Variants in EBF1 observed in about 807,000 individuals in gnomAD.
EBF1 encodes the protein transcription factor COE1.
A neutral mutation model predicts 68.4 loss-of-function variants in EBF1; 10 were observed. The observed-to-expected ratio is 0.15, with a 90% CI of 0.09 to 0.25. The LOEUF (loss-of-function observed/expected upper bound fraction) is 0.25, where lower values mean the gene tolerates loss of function less well. EBF1 is among the 10% of genes least tolerant of loss of function. The pLI is 1.00. For synonymous variants in EBF1, 298 were observed against 299.8 expected, an observed-to-expected ratio of 0.99 and a Z score of 0.06; for missense variants, 509 against 794.4, an observed-to-expected ratio of 0.64 and a Z score of 4.32.
chr5:158,960,477 T>C (rs557541681), intron 6 of EBF1, among the ~76,000 whole-genome samples: 1 of 152,050 alleles, frequency 6.6e-6, no homozygotes, highest in Admixed American at 6.5e-5. Context: ...ACTCTAAAAC[T>C]GGAAATGATT....
chr5:158,749,131 C>CT (rs1768209822), intron 10 of EBF1, among the ~76,000 whole-genome samples: 1 of 152,166 alleles, frequency 6.6e-6, no homozygotes, highest in Non-Finnish European at 1.5e-5. Context: ...GCACATACCT[C>CT]TTCCCGAGTA....
intron 14 of EBF1, among the ~76,000 whole-genome samples, chr5:158,708,908 A>G (rs1758514442): frequency 6.6e-6 from 1 of 152,218 alleles, no homozygotes; most frequent in Non-Finnish European, 1.5e-5. Context: ...GCCTTACATA[A>G]ATACTCACAG....
intron 10 of EBF1, among the ~76,000 whole-genome samples, chr5:158,758,043 G>A (rs1770524753): frequency 6.6e-6 from 1 of 152,130 alleles, no homozygotes; most frequent in South Asian, 2.1e-4. Flanking sequence ...TTCTTCATGT[G>A]CACCTTTTAT....
At chr5:158,984,200 C>T (rs146226597) in intron 6 of EBF1, among the ~76,000 whole-genome samples, 9 of 152,064 alleles carry the variant, frequency 5.9e-5, no homozygotes, top group South Asian at 2.1e-4. Flanking sequence ...CTGCTAACAA[C>T]GATATATCAA....
chr5:158,754,274 C>G (rs72810383), intron 10 of EBF1, among the ~76,000 whole-genome samples: 22,052 of 152,032 alleles, frequency 0.15, 1,720 homozygotes, highest in Admixed American at 0.17. Context: ...CTTTTCCCAC[C>G]CAAAAGCCAA....
intron 6 of EBF1, among the ~76,000 whole-genome samples, chr5:158,875,075 A>T (rs1582794597): frequency 6.6e-6 from 1 of 151,568 alleles, no homozygotes; most frequent in East Asian, 1.9e-4. Context: ...ACACACACAC[A>T]CACACACACA....
intron 6 of EBF1, among the ~76,000 whole-genome samples, chr5:158,979,513 A>C (rs1757480796): frequency 6.6e-6 from 1 of 152,154 alleles, no homozygotes; most frequent in South Asian, 2.1e-4. Flanking sequence ...ATAAATCGGT[A>C]TTGATTTTTC....
chr5:158,706,754 A>G (rs1374621615), intron 15 of EBF1, among the ~76,000 whole-genome samples: 2 of 152,156 alleles, frequency 1.3e-5, no homozygotes, highest in Non-Finnish European at 2.9e-5. Flanking sequence ...TGGGGCTTAC[A>G]TTCATCTCCA....
chr5:159,002,672 T>C (rs541852707), intron 6 of EBF1, among the ~76,000 whole-genome samples: 27 of 152,282 alleles, frequency 1.8e-4, no homozygotes, highest in Admixed American at 7.8e-4. Context: ...TTTATATATA[T>C]AGAAAAGGAG....
rs769446149 is a variant in EBF1, at chr5:159,096,939, C to G, written c.291+35G>C. On this transcript the variant is annotated intron_variant, in intron 2 of 15. Transcript: ENST00000313708. Reference sequence around the variant, plus strand: ...TCCCGGGCCTGCTCCCGAGCCGAGCCGGGGACGAGGGGCGACAGCGCTGCG... The same window carrying G: ...TCCCGGGCCTGCTCCCGAGCCGAGCGGGGGACGAGGGGCGACAGCGCTGCG... 3.7e-6 allele frequency: 6 copies of G among 1,608,518 alleles called. No individual in the cohort carries two copies. The South Asian group carries it at 6.6e-5, about 18-fold the overall frequency.
chr5:158,781,291 T>C (rs1776409517), intron 9 of EBF1, among the ~76,000 whole-genome samples: 1 of 152,228 alleles, frequency 6.6e-6, no homozygotes, highest in Non-Finnish European at 1.5e-5. Context: ...GATTCCTGAT[T>C]ATTTTGGTTT....
rs952551918 is a variant in EBF1 at position 159,095,819 on chromosome 5, C to CA, written c.356-145dup. 6 of 824,122 alleles carry CA rather than the reference C, an allele frequency of 7.3e-6. No individual in the cohort carries two copies. In the African/African-American group the frequency reaches 1.0e-4, roughly 14 times the overall value. 51.1% of individuals were successfully genotyped at this position (824,122 alleles called of 1,614,324 possible). ...GGGCTCCAAGGCTGATTGGAACTCCCACTGTCCTGGAAAATACAGCCACGA... is the reference window on the plus strand; with the variant it reads ...GGGCTCCAAGGCTGATTGGAACTCCCAACTGTCCTGGAAAATACAGCCACGA... On this transcript the variant is annotated intron_variant, in intron 3 of 15. Transcript: ENST00000313708.
chr5:158,801,550 G>A (rs1392450926), intron 8 of EBF1, among the ~76,000 whole-genome samples: 3 of 151,836 alleles, frequency 2.0e-5, no homozygotes, highest in Non-Finnish European at 4.4e-5. Flanking sequence ...TCATTTCAGG[G>A]TGTTGAACTT....
intron 15 of EBF1, among the ~76,000 whole-genome samples, chr5:158,699,862 A>T (rs1215026199): frequency 6.6e-6 from 1 of 152,012 alleles, no homozygotes; most frequent in Non-Finnish European, 1.5e-5. Context: ...AGATCCTGGG[A>T]AAAAAGAAGC....
chr5:159,046,055 C>A (rs148063782), intron 6 of EBF1, among the ~76,000 whole-genome samples: 1 of 152,292 alleles, frequency 6.6e-6, no homozygotes, highest in East Asian at 1.9e-4. Context: ...AAATTGATCT[C>A]CTTGCCTCTG....
chr5:158,940,753 T>TCCCCCC (rs1561573370), intron 6 of EBF1, among the ~76,000 whole-genome samples: 6 of 7,682 alleles, frequency 7.8e-4, no homozygotes, highest in Non-Finnish European at 9.7e-4. Flanking sequence ...TGCACCCCCT[T>TCCCCCC]CACCCCACCG....
intron 2 of EBF1, chr5:159,096,664 C>G (rs1302414493): frequency 3.3e-6 from 2 of 605,598 alleles, no homozygotes; most frequent in East Asian, 5.6e-5. Context: ...GCTCGTGCCC[C>G]GGCCACCAGA....
chr5:159,095,770 A>AC (rs1782493662), intron 3 of EBF1, 95 bp from the exon 4 acceptor site: 1 of 1,266,120 alleles, frequency 7.9e-7, no homozygotes, highest in African/African-American at 1.5e-5. Flanking sequence ...TAACAACAAA[A>AC]CCCCCACACA....
intron 6 of EBF1, among the ~76,000 whole-genome samples, chr5:159,027,095 C>T (rs1561829283): frequency 6.6e-6 from 1 of 152,156 alleles, no homozygotes; most frequent in Non-Finnish European, 1.5e-5. Flanking sequence ...CATTAGAAAA[C>T]AGGAAGAGGG....
Sources: gnomAD v4.1 joint callset for allele counts (sites outside exome capture counted in the v4.1 genomes callset) on GRCh38, gnomAD v4.1.1 for gene constraint, MANE v1.5 for transcripts, NCBI Gene and HGNC (gene_info 2026-07-23, HGNC 2026-07-21) for gene names.